TMEM161A: variants seen among roughly 807,000 people sequenced by gnomAD.
The protein encoded by TMEM161A is transmembrane protein 161A.
Under a neutral mutation model 57.1 loss-of-function variants are expected in TMEM161A, and 46 were observed. The ratio of observed to expected loss-of-function variants is 0.81; its 90% CI spans 0.64 to 1.03. The LOEUF is 1.03. Ranked by LOEUF, TMEM161A falls within the 50% of genes least tolerant of loss-of-function variation. TMEM161A has a pLI of 0.00. For missense variants in TMEM161A, 601 were observed against 621.5 expected (o/e 0.97, Z 0.35); for synonymous variants, 288 against 279.0 (o/e 1.03, Z -0.32).
chr19:19,120,382 A>G (rs2059902878), intron 11 of TMEM161A, among the ~76,000 whole-genome samples, 199 bp from the exon 12 acceptor site: 1 of 149,182 alleles, frequency 6.7e-6, no homozygotes, highest in African/African-American at 2.5e-5. Context: ...CCTCCTGCTC[A>G]GATCCTGCCT....
chr19:19,123,428 T>G (rs1358842111), intron 6 of TMEM161A, among the ~76,000 whole-genome samples: 1 of 151,952 alleles, frequency 6.6e-6, no homozygotes, highest in African/African-American at 2.4e-5. Flanking sequence ...TTAAGACAGA[T>G]CACCTACAAA....
chr19:19,136,816 C>T (rs2059986752), intron 1 of TMEM161A, among the ~76,000 whole-genome samples: 1 of 151,952 alleles, frequency 6.6e-6, no homozygotes, highest in African/African-American at 2.4e-5. Context: ...CATTGCTCGC[C>T]CTCCCCGGGA....
chr19:19,130,108 A>T (rs1338955507), intron 6 of TMEM161A, 48 bp downstream of exon 6: 1 of 1,605,712 alleles, frequency 6.2e-7, no homozygotes, highest in Non-Finnish European at 8.5e-7. Context: ...GTCAGATTAC[A>T]TGAGGGAGTG....
chr19:19,137,558 A>C (rs2059990271), intron 1 of TMEM161A, among the ~76,000 whole-genome samples: 1 of 152,150 alleles, frequency 6.6e-6, no homozygotes, highest in South Asian at 2.1e-4. Context: ...ACCCTGATAA[A>C]ATCAATGCAG....
intron 6 of TMEM161A, among the ~76,000 whole-genome samples, chr19:19,122,530 G>A (rs2059915727): frequency 6.6e-6 from 1 of 152,108 alleles, no homozygotes; most frequent in Non-Finnish European, 1.5e-5. Context: ...GTAAGTCTCA[G>A]CACTTTGGGA....
chr19:19,123,583 T>G (rs887359512), intron 6 of TMEM161A, among the ~76,000 whole-genome samples: 1 of 152,196 alleles, frequency 6.6e-6, no homozygotes, highest in African/African-American at 2.4e-5. Context: ...TAAAGTTAAA[T>G]GACAAAGACT....
rs532603316 is a variant in TMEM161A at position 19,128,735 on chromosome 19, TC to T, written c.595+1420del. 6.7e-4 allele frequency among the ~76,000 whole-genome samples: 101 copies of T among 151,842 alleles called. 7 individuals are homozygous for T. In the South Asian group the frequency reaches 0.021, roughly 32 times the overall value. Reference sequence around the variant, plus strand: ...GTATTTTTAGTAGAGACAGGGTTTCTCCATGTTGATCAGGCTGGTCTTGAAC... The same window carrying T: ...GTATTTTTAGTAGAGACAGGGTTTCTCATGTTGATCAGGCTGGTCTTGAAC... On this transcript the variant is annotated intron_variant, in intron 6 of 11. Transcript: ENST00000162044.
At position 19,132,517 on chromosome 19, in the gene TMEM161A, GGCACTCTGCTCA is replaced by G; in HGVS notation, c.287-21_287-10del. ...CAGGAAGAAGCGCAGGACTGTGGGGGGCACTCTGCTCAGCCCTGGGGCCCAGCTCGCTCCCCT... is the reference window on the plus strand; with the variant it reads ...CAGGAAGAAGCGCAGGACTGTGGGGGGCCCTGGGGCCCAGCTCGCTCCCCT... On this transcript the variant is annotated splice_polypyrimidine_tract_variant and intron_variant, in intron 4 of 11. Coordinates refer to ENST00000162044, the MANE Select transcript of TMEM161A (RefSeq NM_017814.3). This position sits in a 1 kb window ranked among gnomAD's most constrained non-coding sequence, Gnocchi z 4.3. The G allele has an allele frequency of 6.2e-7, 1 of 1,612,386 alleles. No individual in the cohort carries two copies. Among genetic ancestry groups the G allele is most frequent in the Non-Finnish European group, 8.5e-7 (1 of 1,179,034 alleles).
intron 6 of TMEM161A, among the ~76,000 whole-genome samples, chr19:19,127,638 A>T (rs2059937523): frequency 6.6e-6 from 1 of 152,006 alleles, no homozygotes; most frequent in Non-Finnish European, 1.5e-5. Context: ...AGTCTTAAAA[A>T]TGGAATTCTG....
chr19:19,120,413 C>T (rs2059903096), intron 11 of TMEM161A, among the ~76,000 whole-genome samples: 1 of 150,726 alleles, frequency 6.6e-6, no homozygotes, highest in African/African-American at 2.4e-5. Context: ...CCTGCCCCCT[C>T]CCCAGGCCCC....
chr19:19,124,308 G>C (rs188674683), intron 6 of TMEM161A, among the ~76,000 whole-genome samples: 2 of 152,236 alleles, frequency 1.3e-5, no homozygotes, highest in South Asian at 2.1e-4. Flanking sequence ...ATGGAGATTT[G>C]AATTTATTAA....
intron 6 of TMEM161A, among the ~76,000 whole-genome samples, chr19:19,125,994 G>A (rs537109837): frequency 3.3e-5 from 5 of 151,340 alleles, no homozygotes; most frequent in East Asian, 2.0e-4. Flanking sequence ...GGCCGGGCAC[G>A]GTGGCTCGCG....
chr19:19,120,226 G>A, intron 11 of TMEM161A, 43 bp from the exon 12 acceptor site: 1 of 1,488,494 alleles, frequency 6.7e-7, no homozygotes, highest in Admixed American at 2.2e-5. Flanking sequence ...GAAAAATGGG[G>A]GAGGGGGCGA....
intron 2 of TMEM161A, among the ~76,000 whole-genome samples, chr19:19,134,244 A>G (rs2059974138): frequency 6.6e-6 from 1 of 152,116 alleles, no homozygotes; most frequent in Non-Finnish European, 1.5e-5. Context: ...GGACGTGGGG[A>G]GTGTGGTGAT....
Position 19,121,943 on chromosome 19 carries a change from G to T in TMEM161A, c.596-124C>A. 3 of 1,074,312 alleles carry T rather than the reference G, an allele frequency of 2.8e-6. No individual in the cohort carries two copies. The highest frequency in any genetic ancestry group is 4.0e-6 in the Non-Finnish European group (3 of 745,142). 66.5% of individuals were successfully genotyped at this position (1,074,312 alleles called of 1,614,324 possible). The stretch of plus-strand genomic sequence containing the variant: ...CCCAAGTAGGAATGAACAAGGGTCT[G>T]CCAGGCCCTGAGCCAGGCACAAGGA... On this transcript the variant is annotated intron_variant, in intron 6 of 11. Coordinates refer to ENST00000162044, the MANE Select transcript of TMEM161A (RefSeq NM_017814.3). The surrounding 1 kb of genome is among the most constrained non-coding windows in gnomAD (Gnocchi z 5.8).
rs1415789104 is a variant in TMEM161A at position 19,121,695 on chromosome 19, G to C, written c.657-27C>G. On this transcript the variant is annotated intron_variant, in intron 7 of 11. Coordinates refer to ENST00000162044, the MANE Select transcript of TMEM161A (RefSeq NM_017814.3). The surrounding 1 kb of genome is among the most constrained non-coding windows in gnomAD (Gnocchi z 5.8). Reference sequence around the variant, plus strand: ...TAGGAGAACACCAGGTCACGAGCCTGCCTGGGGGACCCTGGGAGGGTCCCA... The same window carrying C: ...TAGGAGAACACCAGGTCACGAGCCTCCCTGGGGGACCCTGGGAGGGTCCCA... The C allele has an allele frequency of 6.2e-7, 1 of 1,612,442 alleles. No individual in the cohort carries two copies. The highest frequency in any genetic ancestry group is 8.5e-7 in the Non-Finnish European group (1 of 1,178,708).
intron 6 of TMEM161A, among the ~76,000 whole-genome samples, chr19:19,128,533 ATTTT>A (rs755755153): frequency 9.0e-6 from 1 of 110,546 alleles, no homozygotes; most frequent in Admixed American, 1.0e-4. Flanking sequence ...CCTGGCCTAC[ATTTT>A]TTTTTTTTTT....
chr19:19,133,724 G>A (rs10420121), intron 2 of TMEM161A, among the ~76,000 whole-genome samples: 3,269 of 152,162 alleles, frequency 0.021, 115 homozygotes, highest in African/African-American at 0.074. Context: ...CACCCGCCCC[G>A]GCCTCCCAAA....
chr19:19,122,146 T>C (rs2059914078), intron 6 of TMEM161A, among the ~76,000 whole-genome samples: 1 of 151,696 alleles, frequency 6.6e-6, no homozygotes, highest in South Asian at 2.1e-4. Context: ...ATACAAAAAT[T>C]AGCCAGGTGT....
Sources: gnomAD v4.1 joint callset for allele counts (sites outside exome capture counted in the v4.1 genomes callset) on GRCh38, gnomAD v4.1.1 for gene constraint, Gnocchi (gnomAD v3.1) non-coding constraint, MANE v1.5 for transcripts, NCBI Gene and HGNC (gene_info 2026-07-23, HGNC 2026-07-21) for gene names.